Variants in KCNV2 observed in about 807,000 individuals in gnomAD.
KCNV2 encodes potassium voltage-gated channel subfamily V member 2.
In KCNV2, 65 loss-of-function variants were observed where a neutral mutation model predicts 37.0. The observed-to-expected ratio is 1.76, with a 90% CI of 1.44 to 2.16. The LOEUF (loss-of-function observed/expected upper bound fraction) is 2.16. Ranked by LOEUF, KCNV2 falls within the 30% of genes most tolerant of loss-of-function variation. KCNV2 has a pLI of 0.00. For synonymous variants in KCNV2, 518 were observed against 328.6 expected (o/e 1.58, Z -6.23); for missense variants, 1,232 against 766.7 (o/e 1.61, Z -7.17).
chr9:2,728,214 C>T (rs1027121501), intron 1 of KCNV2, among the ~76,000 whole-genome samples: 9 of 152,220 alleles, frequency 5.9e-5, no homozygotes, highest in Admixed American at 3.3e-4. Flanking sequence ...GCTAAGCTAA[C>T]GGCCACCTCA....
chr9:2,718,196 C>G lies in KCNV2; in HGVS notation c.457C>G (p.Arg153Gly), dbSNP rs771471592. 1 of 1,613,340 alleles carries G rather than the reference C, an allele frequency of 6.2e-7. No homozygotes were observed. The highest frequency in any genetic ancestry group is 2.2e-5 in the East Asian group (1 of 44,854). ...EEQTDEYFFD[R>G]DPAVFQLVYN... is the part of the protein sequence containing the mutation. ...GCAGACAGACGAATACTTCTTCGAC[C>G]GCGACCCGGCCGTCTTCCAGCTGGT... is the stretch of plus-strand genomic sequence containing the variant. The change falls in exon 1 of 2, where the codon CGC becomes GGC. Residue 153 changes from arginine to glycine, a missense_variant. Coordinates refer to ENST00000382082, the MANE Select transcript of KCNV2 (RefSeq NM_133497.4).
At chr9:2,726,918 C>T (rs1023908588) in intron 1 of KCNV2, among the ~76,000 whole-genome samples, 3 of 152,094 alleles carry the variant, frequency 2.0e-5, no homozygotes, top group African/African-American at 7.2e-5. Flanking sequence ...CTAACTAATA[C>T]CTGACAACCT....
chr9:2,718,361 G>C lies in KCNV2; in HGVS notation c.622G>C (p.Asp208His). Residue 208 changes from aspartate (D) to histidine (H), a missense_variant, in exon 1 of 2, where the codon GAC becomes CAC. Asp to His is a moderately conservative substitution (Grantham distance 81). Transcript: ENST00000382082. ...CCRICFEERR[D>H]ELSERLKIQH... ...CCGCATCTGCTTCGAGGAGCGGCGC[G>C]ACGAGCTGAGCGAACGGCTCAAGAT... 1 of 1,599,012 alleles carries C rather than the reference G, an allele frequency of 6.3e-7. No individual in the cohort carries two copies. Among genetic ancestry groups the C allele is most frequent in the Non-Finnish European group, 8.5e-7 (1 of 1,174,628 alleles).
At chr9:2,724,803 G>A (rs79785730) in intron 1 of KCNV2, among the ~76,000 whole-genome samples, 1 of 152,206 alleles carries the variant, frequency 6.6e-6, no homozygotes. Context: ...CAGTGGGCAA[G>A]AGAATCTGGG....
chr9:2,725,526 A>G (rs1354594299), intron 1 of KCNV2, among the ~76,000 whole-genome samples: 4 of 152,230 alleles, frequency 2.6e-5, no homozygotes, highest in African/African-American at 9.6e-5. Context: ...TACTGAATCT[A>G]CTGTGCAGAC....
chr9:2,725,131 G>T (rs887389147), intron 1 of KCNV2, among the ~76,000 whole-genome samples: 4 of 152,176 alleles, frequency 2.6e-5, no homozygotes, highest in Admixed American at 6.5e-5. Flanking sequence ...AGCTGAGGGT[G>T]TGGACAGCAT....
rs1271478511 is a variant in KCNV2, at chr9:2,729,445, G to A, written c.1357-1G>A. ...TCCATCCTGCTTTCCTTCCTCTACA[G>A]GTGAGCATCTCCACCGTGGGCTACG... is the stretch of plus-strand genomic sequence containing the variant. On this transcript the variant is annotated splice_acceptor_variant, in intron 1 of 1. Transcript: ENST00000382082. LOFTEE classifies it high-confidence loss of function. The A allele has an allele frequency of 6.2e-7, 1 of 1,613,214 alleles. No homozygotes were observed. The highest frequency in any genetic ancestry group is 8.5e-7 in the Non-Finnish European group (1 of 1,179,970).
In KCNV2 at chr9:2,729,836, A is replaced by T; in HGVS notation, c.*109A>T. ...AAGGAAATGTGAAGCAGACATACAC[A>T]AAGGCCATTTCGTTCACAAAGTACT... is the stretch of plus-strand genomic sequence containing the variant. On this transcript the variant is annotated 3_prime_UTR_variant, in exon 2 of 2. Coordinates refer to ENST00000382082, the MANE Select transcript of KCNV2 (RefSeq NM_133497.4). 2 of 1,201,092 alleles carry T rather than the reference A, an allele frequency of 1.7e-6. No homozygotes were observed. The highest frequency in any genetic ancestry group is 1.2e-5 in the South Asian group (1 of 80,810). The allele number at this position is 1,201,092 out of a possible 1,614,324, so 74.4% of individuals were successfully genotyped here. A position where few individuals can be genotyped will look rare whatever the true frequency, so the allele number is the denominator to read the frequency against.
chr9:2,724,236 G>C (rs989411190), intron 1 of KCNV2, among the ~76,000 whole-genome samples: 1 of 152,046 alleles, frequency 6.6e-6, no homozygotes. Flanking sequence ...CAGAGACCTT[G>C]CTCCCATCTT....
rs1221158801 is a variant in KCNV2 at position 2,719,145 on chromosome 9, G to A, written c.1356+50G>A. 4 of 1,592,148 alleles carry A rather than the reference G, an allele frequency of 2.5e-6. No individual in the cohort carries two copies. The South Asian group carries it at 3.3e-5, about 13-fold the overall frequency. On this transcript the variant is annotated intron_variant, in intron 1 of 1. Coordinates refer to ENST00000382082, the MANE Select transcript of KCNV2 (RefSeq NM_133497.4). Reference sequence around the variant, plus strand: ...CCCATCCTCTTCCCCAGCCCAGTGAGCTGCTCCTCCCTCCCCTGGTTATCA... The same window carrying A: ...CCCATCCTCTTCCCCAGCCCAGTGAACTGCTCCTCCCTCCCCTGGTTATCA...
At chr9:2,725,307 C>T (rs544177266) in intron 1 of KCNV2, among the ~76,000 whole-genome samples, 1 of 152,322 alleles carries the variant, frequency 6.6e-6, no homozygotes, top group South Asian at 2.1e-4. Context: ...CACCCATGAC[C>T]TCATTCTAAC....
Position 2,717,610 on chromosome 9 carries a change from C to A in KCNV2, c.-130C>A, listed in dbSNP as rs1250170328. ...CCGGTGGCAATGTCTGAGCCCCTAG[C>A]TGTGCTGGTCCGGGCTGGCCTCTCT... is the stretch of plus-strand genomic sequence containing the variant. On this transcript the variant is annotated 5_prime_UTR_variant, in exon 1 of 2. It adds an upstream start codon to the 5' untranslated region. Coordinates refer to ENST00000382082, the MANE Select transcript of KCNV2 (RefSeq NM_133497.4). 8.5e-7 allele frequency: 1 copy of A among 1,183,188 alleles called. No individual in the cohort carries two copies. Among genetic ancestry groups the A allele is most frequent in the East Asian group, 2.4e-5 (1 of 40,822 alleles). 73.3% of individuals were successfully genotyped at this position (1,183,188 alleles called of 1,614,324 possible).
In KCNV2 at chr9:2,718,233, A is replaced by C. The variant is rs751644579; in HGVS notation, c.494A>C (p.Tyr165Ser). The C allele has an allele frequency of 1.2e-6, 2 of 1,613,172 alleles. No homozygotes were observed. The highest frequency in any genetic ancestry group is 1.7e-6 in the Non-Finnish European group (2 of 1,179,870). The change falls in exon 1 of 2, where the codon TAC becomes TCC. Residue 165 changes from tyrosine (Y) to serine (S), a missense_variant. By Grantham distance (144) the Tyr-to-Ser change is moderately radical (BLOSUM62 -2). Transcript: ENST00000382082. ...GTCTTCCAGCTGGTCTACAATTTCT[A>C]CCTGTCCGGGGTGCTGCTGGTGCTC... ...PAVFQLVYNFYLSGVLLVLDG... is the reference protein window; with the variant it reads ...PAVFQLVYNFSLSGVLLVLDG...
chr9:2,728,251 C>T (rs111959603), intron 1 of KCNV2, among the ~76,000 whole-genome samples: 1,904 of 152,298 alleles, frequency 0.013, 36 homozygotes, highest in African/African-American at 0.043. Context: ...TGACCATATG[C>T]TTTACTGCCG....
chr9:2,718,740 C>T lies in KCNV2; in HGVS notation c.1001C>T (p.Ala334Val), dbSNP rs758106979. 12 of 1,612,138 alleles carry T rather than the reference C, an allele frequency of 7.4e-6. No individual in the cohort carries two copies. Among genetic ancestry groups the T allele is most frequent in the Middle Eastern group, 1.6e-4 (1 of 6,084 alleles). ...GACCTGAGGCGCTTCGCGCGCAGCG[C>T]CCTCAACCTGGTGGACCTGGTGGCC... The part of the protein sequence containing the change: ...TPDLRRFARS[A>V]LNLVDLVAIL... Residue 334 changes from alanine (A) to valine (V), a missense_variant, in exon 1 of 2, where the codon GCC becomes GTC. By Grantham distance (64) the Ala-to-Val change is moderately conservative. Transcript: ENST00000382082.
chr9:2,718,407 A>G lies in KCNV2; in HGVS notation c.668A>G (p.Gln223Arg). 1 of 1,603,124 alleles carries G rather than the reference A, an allele frequency of 6.2e-7. No individual in the cohort carries two copies. The highest frequency in any genetic ancestry group is 8.5e-7 in the Non-Finnish European group (1 of 1,175,864). The part of the protein sequence containing the change: ...RLKIQHELRA[Q>R]AQVEEAEELF... The stretch of plus-strand genomic sequence containing the variant: ...AAGATCCAGCACGAGCTGCGCGCGC[A>G]GGCGCAGGTCGAGGAGGCGGAGGAA... The change falls in exon 1 of 2, where the codon CAG becomes CGG. Residue 223 changes from glutamine to arginine, a missense_variant. Transcript: ENST00000382082.
rs2130861526 is a variant in KCNV2, at chr9:2,718,705, C to G, written c.966C>G (p.Ala322=). 1 of 1,613,202 alleles carries G rather than the reference C, an allele frequency of 6.2e-7. No homozygotes were observed. Among genetic ancestry groups the G allele is most frequent in the African/African-American group, 1.3e-5 (1 of 75,060 alleles). The change falls in exon 1 of 2, where the codon GCC becomes GCG. Residue 322 remains alanine (A), a synonymous_variant. Coordinates refer to ENST00000382082, the MANE Select transcript of KCNV2 (RefSeq NM_133497.4). ...FFTLEYLLRL[A]STPDLRRFAR... is the part of the protein sequence containing the mutation. ...CGCTCGAGTACCTGCTGCGCCTAGC[C>G]TCCACGCCCGACCTGAGGCGCTTCG...
Position 2,729,186 on chromosome 9 carries a change from A to G in KCNV2, c.1357-260A>G, listed in dbSNP as rs79173690. 2.2e-4 allele frequency among the ~76,000 whole-genome samples: 33 copies of G among 152,288 alleles called. No individual in the cohort carries two copies. The East Asian group carries it at 5.8e-3, about 27-fold the overall frequency. On this transcript the variant is annotated intron_variant, in intron 1 of 1. Transcript: ENST00000382082. ...CAAGTAGGTATTACCTCCTCCTCCC[A>G]TATCTTACATTCAAACATGCATGAG...
chr9:2,721,350 A>G (rs1262871764), intron 1 of KCNV2, among the ~76,000 whole-genome samples: 4 of 152,248 alleles, frequency 2.6e-5, no homozygotes, highest in South Asian at 2.1e-4. Flanking sequence ...TGAATATTCT[A>G]AGACCGCTCT....
Sources: gnomAD v4.1 joint callset for allele counts (sites outside exome capture counted in the v4.1 genomes callset) on GRCh38, gnomAD v4.1.1 for gene constraint, MANE v1.5 for transcripts, NCBI Gene and HGNC (gene_info 2026-07-23, HGNC 2026-07-21) for gene names.